Variants in DCK observed in about 807,000 individuals in gnomAD.
DCK encodes the protein deoxyadenosine kinase.
In DCK, 23 loss-of-function variants were observed where a neutral mutation model predicts 38.3. The ratio of observed to expected loss-of-function variants is 0.60; its 90% CI spans 0.43 to 0.85. The LOEUF (loss-of-function observed/expected upper bound fraction) is 0.85. Among genes scored for constraint, DCK ranks in the 40% least tolerant of loss-of-function variants. The pLI, the probability that DCK is intolerant of heterozygous loss-of-function variation, is 0.00. For missense variants in DCK, 259 were observed against 304.4 expected (o/e 0.85, Z 1.11); for synonymous variants, 108 against 100.6 (o/e 1.07, Z -0.44).
chr4:71,006,133 C>CAAAA (rs67497388), intron 2 of DCK, among the ~76,000 whole-genome samples: 4 of 104,334 alleles, frequency 3.8e-5, no homozygotes, highest in African/African-American at 1.5e-4. Flanking sequence ...ACAAAAACAC[C>CAAAA]AAAAAAAAAA....
chr4:71,010,411 T>C (rs1025771074), intron 2 of DCK, among the ~76,000 whole-genome samples: 1 of 151,380 alleles, frequency 6.6e-6, no homozygotes, highest in Non-Finnish European at 1.5e-5. Flanking sequence ...ATGTTATTAT[T>C]TAGGCCCAAA....
intron 2 of DCK, among the ~76,000 whole-genome samples, chr4:71,018,796 G>A (rs1156790654): frequency 2.0e-5 from 3 of 150,410 alleles, no homozygotes; most frequent in Admixed American, 2.0e-4. Flanking sequence ...CTCAACCTCC[G>A]GAGTAGCTGG....
chr4:71,005,460 GTTTTAAAAAATCTAAC>G (rs1739916093), intron 2 of DCK, among the ~76,000 whole-genome samples: 1 of 151,204 alleles, frequency 6.6e-6, no homozygotes, highest in Non-Finnish European at 1.5e-5. Flanking sequence ...AATAATAAAA[GTTTTAAAAAATCTAAC>G]AGCAAATTAA....
chr4:71,000,724 A>AG (rs766026666), intron 2 of DCK, among the ~76,000 whole-genome samples: 4 of 152,286 alleles, frequency 2.6e-5, no homozygotes, highest in African/African-American at 7.2e-5. Context: ...TTCTCCTTGA[A>AG]GAGGTCCTTC....
chr4:71,025,415 G>T (rs898756180), intron 4 of DCK, among the ~76,000 whole-genome samples: 5 of 152,132 alleles, frequency 3.3e-5, no homozygotes, highest in African/African-American at 1.2e-4. Context: ...ACTGTCTTTA[G>T]TGGTTTTATG....
At chr4:71,008,677 A>G (rs556039109) in intron 2 of DCK, among the ~76,000 whole-genome samples, 17 of 152,290 alleles carry the variant, frequency 1.1e-4, no homozygotes, top group African/African-American at 4.1e-4. Context: ...TAAACAGGGT[A>G]TTGGACTAGG....
intron 2 of DCK, among the ~76,000 whole-genome samples, chr4:71,006,662 G>A (rs112861206): frequency 9.7e-4 from 148 of 152,200 alleles, no homozygotes; most frequent in African/African-American, 3.3e-3. Flanking sequence ...TTAAAAATTA[G>A]CTAGGTGTGG....
chr4:71,023,778 A>G, intron 4 of DCK, 72 bp downstream of exon 4: 1 of 1,430,384 alleles, frequency 7.0e-7, no homozygotes, highest in Non-Finnish European at 9.4e-7. Context: ...GTGGTATATA[A>G]TGAGGGCAAT....
At chr4:71,009,660 A>G (rs1740037107) in intron 2 of DCK, among the ~76,000 whole-genome samples, 1 of 152,116 alleles carries the variant, frequency 6.6e-6, no homozygotes, top group Admixed American at 6.5e-5. Context: ...TGATGTTACA[A>G]TTTGATTACC....
intron 2 of DCK, among the ~76,000 whole-genome samples, chr4:71,000,366 G>C (rs1324752641): frequency 6.6e-6 from 1 of 152,138 alleles, no homozygotes; most frequent in Non-Finnish European, 1.5e-5. Context: ...GCTCTGTTCT[G>C]TTCCATTGGT....
chr4:71,022,630 TA>T, intron 3 of DCK, 70 bp downstream of exon 3: 1 of 864,226 alleles, frequency 1.2e-6, no homozygotes, highest in Non-Finnish European at 1.6e-6. Context: ...TTTTTTTTTT[TA>T]ATGTTTCCTG....
At chr4:71,021,092 G>A (rs1351368539) in intron 2 of DCK, among the ~76,000 whole-genome samples, 29 of 144,424 alleles carry the variant, frequency 2.0e-4, no homozygotes, top group African/African-American at 7.2e-4. Context: ...TTTTTGAGAC[G>A]GAGTCTCGCT....
intron 1 of DCK, among the ~76,000 whole-genome samples, chr4:70,997,156 G>A (rs555393839): frequency 6.6e-6 from 1 of 152,238 alleles, no homozygotes; most frequent in South Asian, 2.1e-4. Flanking sequence ...AGCCTTAAGT[G>A]CTTTCAGACT....
At chr4:70,997,647 T>G (rs1362145161) in intron 1 of DCK, among the ~76,000 whole-genome samples, 1 of 152,186 alleles carries the variant, frequency 6.6e-6, no homozygotes, top group East Asian at 1.9e-4. Flanking sequence ...AGAGGAAGCT[T>G]TGCTTGTAAG....
chr4:71,026,813 G>A, intron 6 of DCK, 58 bp downstream of exon 6: 3 of 811,892 alleles, frequency 3.7e-6, no homozygotes, highest in Non-Finnish European at 6.1e-6. Flanking sequence ...TGTACTGAGT[G>A]GTGAGAAAAC....
rs781514726 is a variant in DCK, at chr4:71,022,406, C to A, written c.247C>A (p.Gln83Lys). 2 of 1,580,248 alleles carry A rather than the reference C, an allele frequency of 1.3e-6. No individual in the cohort carries two copies. The highest frequency in any genetic ancestry group is 8.6e-7 in the Non-Finnish European group (1 of 1,166,782). Residue 83 changes from glutamine (Q) to lysine (K), a missense_variant, in exon 3 of 7, where the codon CAG (glutamine) becomes AAG (lysine). Gln to Lys is a moderately conservative substitution (Grantham distance 53, BLOSUM62 1). Transcript: ENST00000286648. ...TCAGAAAAATGGTGGGAATGTTCTT[C>A]AGATGATGTATGAGAAACCTGAACG... is the stretch of plus-strand genomic sequence containing the variant. ...MSQKNGGNVL[Q>K]MMYEKPERWS...
chr4:70,998,421 A>G (rs1228432131), intron 2 of DCK, among the ~76,000 whole-genome samples: 2 of 152,234 alleles, frequency 1.3e-5, no homozygotes, highest in African/African-American at 4.8e-5. Flanking sequence ...ATAATACAAA[A>G]AAATACAAAT....
At position 71,029,224 on chromosome 4, in the gene DCK, A is replaced by AT. The variant is rs1329162181; in HGVS notation, c.757-127dup. 3.0e-4 allele frequency: 161 copies of AT among 537,910 alleles called. 3 individuals are homozygous for AT. The Middle Eastern group carries it at 9.3e-3, about 31-fold the overall frequency. The allele number at this position is 537,910 out of a possible 1,614,324, so 33.3% of individuals were successfully genotyped here. On this transcript the variant is annotated intron_variant, in intron 6 of 6. Transcript: ENST00000286648. ...AATATTTCTTTGGAAAGTAAATGCA[A>AT]TGGCATTGTGGTAGTTACTTATACA...
intron 2 of DCK, among the ~76,000 whole-genome samples, 165 bp downstream of exon 2, chr4:70,998,347 A>G (rs774730817): frequency 6.6e-6 from 1 of 152,212 alleles, no homozygotes; most frequent in African/African-American, 2.4e-5. Flanking sequence ...TTGGCTCTCC[A>G]TATCAATGGG....
Sources: allele counts gnomAD v4.1 joint callset (sites outside exome capture counted in the v4.1 genomes callset), GRCh38; gene constraint gnomAD v4.1.1; transcripts MANE v1.5; gene names NCBI Gene and HGNC (gene_info 2026-07-23, HGNC 2026-07-21).